TLE2: variants seen among roughly 807,000 people sequenced by gnomAD.
TLE2 encodes transducin-like enhancer protein 2.
A neutral mutation model predicts 97.2 loss-of-function variants in TLE2; 74 were observed. The observed-to-expected ratio is 0.76, with a 90% CI of 0.63 to 0.92. The LOEUF (loss-of-function observed/expected upper bound fraction) is 0.92. Among genes scored for constraint, TLE2 ranks in the 40% least tolerant of loss-of-function variants. TLE2 has a pLI of 0.00. For synonymous variants in TLE2, 499 were observed against 432.1 expected, an observed-to-expected ratio of 1.15 and a Z score of -1.92; for missense variants, 1,038 against 1,008.7, an observed-to-expected ratio of 1.03 and a Z score of -0.39.
upstream of TLE2, among the ~76,000 whole-genome samples, chr19:3,029,805 A>AT (rs2090008121): frequency 6.6e-6 from 1 of 151,784 alleles, no homozygotes; most frequent in African/African-American, 2.4e-5. Flanking sequence ...TTAGGGTTTA[A>AT]TTTTTTGCAG....
intron 9 of TLE2, among the ~76,000 whole-genome samples, chr19:3,014,950 C>T (rs1227038085): frequency 2.6e-5 from 4 of 151,250 alleles, no homozygotes; most frequent in African/African-American, 9.7e-5. Context: ...TCATCCTTAC[C>T]GCCTTCATAA....
upstream of TLE2, among the ~76,000 whole-genome samples, chr19:3,031,001 C>A (rs1310669700): frequency 1.3e-5 from 2 of 151,208 alleles, no homozygotes; most frequent in Non-Finnish European, 2.9e-5. Context: ...CGTTTTCCAG[C>A]CCACAGATAT....
chr19:3,006,661 G>T lies in TLE2; in HGVS notation c.1259C>A (p.Ser420Tyr). Residue 420 changes from serine (S) to tyrosine (Y), a missense_variant, in exon 15 of 20, where the codon TCC becomes TAC. Coordinates refer to ENST00000262953, the MANE Select transcript of TLE2 (RefSeq NM_003260.5). ...CTGCCCGTCCGCAGACACGTGGAAG[G>T]AGTAGGCCCTGGAGAGAAAGCCGGG... Reference protein sequence around the residue: ...PSIPGGKPAYSFHVSADGQMQ... With the variant: ...PSIPGGKPAYYFHVSADGQMQ... 6.3e-7 allele frequency: 1 copy of T among 1,597,916 alleles called. No homozygotes were observed. Among genetic ancestry groups the T allele is most frequent in the Non-Finnish European group, 8.5e-7 (1 of 1,170,808 alleles).
intron 17 of TLE2, 98 bp from the exon 18 acceptor site, chr19:3,002,601 C>T: frequency 2.1e-6 from 3 of 1,436,852 alleles, no homozygotes; most frequent in Non-Finnish European, 2.8e-6. Context: ...TGCAGTGGCA[C>T]AATCATGGCT....
Position 3,029,011 on chromosome 19 carries a change from G to C in TLE2, c.-107C>G. 6.6e-7 allele frequency: 1 copy of C among 1,518,548 alleles called. No individual in the cohort carries two copies. Among genetic ancestry groups the C allele is most frequent in the Non-Finnish European group, 8.8e-7 (1 of 1,134,634 alleles). The allele number at this position is 1,518,548 out of a possible 1,614,324, so 94.1% of individuals were successfully genotyped here. ...GTGGTGGGGAGGCTGCCCGAAGAAA[G>C]AGGGAGGAGGGAGAAGCGGCGCGGG... On this transcript the variant is annotated 5_prime_UTR_variant, in exon 1 of 20. Transcript: ENST00000262953.
chr19:3,012,859 G>C (rs953629236), intron 11 of TLE2, among the ~76,000 whole-genome samples: 2 of 152,178 alleles, frequency 1.3e-5, no homozygotes, highest in East Asian at 3.8e-4. Flanking sequence ...TGACAGCCAC[G>C]CAACACCGGC....
chr19:3,028,106 C>A (rs1409332284), intron 3 of TLE2, among the ~76,000 whole-genome samples: 2 of 152,110 alleles, frequency 1.3e-5, no homozygotes, highest in African/African-American at 4.8e-5. Context: ...GAGGCCCTGG[C>A]CCGACAGAGA....
At chr19:3,043,834 A>T (rs903367681) in intron 1 of TLE2, among the ~76,000 whole-genome samples, 2 of 151,306 alleles carry the variant, frequency 1.3e-5, no homozygotes, top group African/African-American at 4.9e-5. Context: ...AAACAAAAAA[A>T]TTAGCCAGGC....
At chr19:3,027,761 T>TG (rs2089969954) in intron 4 of TLE2, 68 bp downstream of exon 4, 49 of 1,539,536 alleles carry the variant, frequency 3.2e-5, no homozygotes, top group Non-Finnish European at 4.3e-5. Context: ...CTGCCCACTC[T>TG]GGGTCCTTCT....
In TLE2 at chr19:3,013,679, T is replaced by C; in HGVS notation, c.863A>G (p.Glu288Gly). ...SLGSPLPRAK[E>G]LILNDLPAST... is the part of the protein sequence containing the mutation. ...TCCCCTCCTCCTTACCAGGATGAGC[T>C]CCTTGGCTCTAGGCAGCGGTGAGCC... Residue 288 changes from glutamate (E) to glycine (G), a missense_variant, in exon 11 of 20, where the codon GAG becomes GGG. By Grantham distance (98) the Glu-to-Gly change is moderately conservative. Transcript: ENST00000262953. 2.1e-6 allele frequency: 3 copies of C among 1,404,198 alleles called. No homozygotes were observed. Among genetic ancestry groups the C allele is most frequent in the South Asian group, 1.8e-5 (1 of 54,784 alleles). The allele number at this position is 1,404,198 out of a possible 1,614,324, so 87.0% of individuals were successfully genotyped here. A position where few individuals can be genotyped will look rare whatever the true frequency, so the allele number is the denominator to read the frequency against.
intron 1 of TLE2, among the ~76,000 whole-genome samples, chr19:3,045,274 A>T (rs1296554616): frequency 1.3e-5 from 2 of 152,188 alleles, no homozygotes; most frequent in East Asian, 1.9e-4. Flanking sequence ...CTGAAGTAGG[A>T]ACAGCGTGTT....
intron 7 of TLE2, among the ~76,000 whole-genome samples, chr19:3,018,536 G>A (rs1385707192): frequency 6.6e-6 from 1 of 151,782 alleles, no homozygotes; most frequent in East Asian, 1.9e-4. Flanking sequence ...CAGGTGATCT[G>A]CCCGCCTCGG....
chr19:3,021,930 G>A (rs998765363), intron 5 of TLE2, among the ~76,000 whole-genome samples: 1 of 152,138 alleles, frequency 6.6e-6, no homozygotes, highest in Non-Finnish European at 1.5e-5. Context: ...TTCAGGTCGG[G>A]CGCAGTGGCT....
chr19:3,000,565 G>A, intron 19 of TLE2, 82 bp downstream of exon 19: 5 of 1,322,256 alleles, frequency 3.8e-6, no homozygotes, highest in Non-Finnish European at 4.2e-6. Flanking sequence ...GGGGGACAGG[G>A]ACAGGGGCAA....
chr19:3,000,823 C>CT (rs2089341456), intron 18 of TLE2, 100 bp from the exon 19 acceptor site: 10 of 650,946 alleles, frequency 1.5e-5, no homozygotes, highest in African/African-American at 2.9e-5. Context: ...CTGGCCTCTC[C>CT]CTTTTTTTTT....
intron 7 of TLE2, 104 bp from the exon 8 acceptor site, chr19:3,017,963 C>T (rs1215507093): frequency 4.0e-6 from 4 of 989,044 alleles, no homozygotes; most frequent in Non-Finnish European, 6.1e-6. Flanking sequence ...AGCCCCCCGC[C>T]CCCACCACCC....
chr19:3,020,737 G>A (rs918293075), intron 5 of TLE2: 1 of 152,128 alleles, frequency 6.6e-6, no homozygotes, highest in African/African-American at 2.4e-5. Context: ...CCATGATGTG[G>A]TGGGTGGCGG....
intron 18 of TLE2, among the ~76,000 whole-genome samples, chr19:3,001,272 C>CA (rs34991673): frequency 1.8e-4 from 26 of 142,836 alleles, no homozygotes; most frequent in South Asian, 4.6e-4. Flanking sequence ...GACTCTGTCT[C>CA]AAAAAAAAAA....
At chr19:3,025,748 C>A (rs1380321120) in intron 4 of TLE2, 5 of 349,548 alleles carry the variant, frequency 1.4e-5, no homozygotes, top group Admixed American at 6.5e-5. Flanking sequence ...GTGTGTCTGG[C>A]GAAGTCTGTG....
Sources: gnomAD v4.1 joint callset for allele counts (sites outside exome capture counted in the v4.1 genomes callset) on GRCh38, gnomAD v4.1.1 for gene constraint, MANE v1.5 for transcripts, NCBI Gene and HGNC (gene_info 2026-07-23, HGNC 2026-07-21) for gene names.